Variants in HECTD4 observed in about 807,000 individuals in gnomAD.
HECTD4 encodes the protein probable E3 ubiquitin-protein ligase HECTD4.
In HECTD4, 114 loss-of-function variants were observed where a neutral mutation model predicts 471.5. That is an observed-to-expected ratio of 0.24 (90% CI 0.21 to 0.28). HECTD4 has a LOEUF of 0.28. Among genes scored for constraint, HECTD4 ranks in the 10% least tolerant of loss-of-function variants. The pLI is 1.00. For synonymous variants in HECTD4, 2,012 were observed against 2,256.0 expected (o/e 0.89, Z 3.07); for missense variants, 3,866 against 5,651.5 (o/e 0.68, Z 10.13).
chr12:112,273,027 T>C (rs1174745938), intron 11 of HECTD4, among the ~76,000 whole-genome samples: 1 of 152,200 alleles, frequency 6.6e-6, no homozygotes, highest in East Asian at 1.9e-4. Flanking sequence ...TCCACTGTTC[T>C]TACCCAAAGT....
chr12:112,199,726 A>C (rs2032358729), intron 55 of HECTD4, among the ~76,000 whole-genome samples: 1 of 152,226 alleles, frequency 6.6e-6, no homozygotes, highest in Non-Finnish European at 1.5e-5. Flanking sequence ...CTCTTCTGGA[A>C]GCCTGCACAG....
rs1441311962 is a variant in HECTD4 at position 112,202,597 on chromosome 12, T to A, written c.8406+1039A>T. Among the ~76,000 whole-genome samples, 3 of 152,192 alleles carry A rather than the reference T, an allele frequency of 2.0e-5. No individual in the cohort carries two copies. In the East Asian group the frequency reaches 5.8e-4, roughly 29 times the overall value. On this transcript the variant is annotated intron_variant, in intron 54 of 75. Transcript: ENST00000682272. ...CTCTAGACAGATACCAAAGTTTATATCTATACAGTGATTGATGATATTAAT... is the reference window on the plus strand; with the variant it reads ...CTCTAGACAGATACCAAAGTTTATAACTATACAGTGATTGATGATATTAAT...
At chr12:112,299,452 G>T (rs760256716) in intron 7 of HECTD4, among the ~76,000 whole-genome samples, 1 of 151,836 alleles carries the variant, frequency 6.6e-6, no homozygotes, top group Admixed American at 6.6e-5. Flanking sequence ...TCCCACCCCC[G>T]TCTCTACAAA....
chr12:112,289,080 A>G (rs192998616), intron 7 of HECTD4, among the ~76,000 whole-genome samples: 13 of 152,228 alleles, frequency 8.5e-5, no homozygotes, highest in African/African-American at 2.4e-4. Flanking sequence ...ATATTCCTAA[A>G]TATATCTCTT....
intron 1 of HECTD4, among the ~76,000 whole-genome samples, chr12:112,324,025 CCTTCCTTCCTTCCTT>C (rs2035669029): frequency 6.6e-5 from 2 of 30,416 alleles, no homozygotes; most frequent in Non-Finnish European, 9.8e-5. Flanking sequence ...TTCCTTCCTT[CCTTCCTTCCTTCCTT>C]CCTTCCTTTC....
In HECTD4 at chr12:112,231,385, C is replaced by T. The variant is rs2033374853; in HGVS notation, c.6200+128G>A. ...CCAGGCTGTACCTTGAGTGCAACTA[C>T]TACAGCAGATGGCGGCCTCATTTCC... On this transcript the variant is annotated intron_variant, in intron 39 of 75. Coordinates refer to ENST00000682272, the MANE Select transcript of HECTD4 (RefSeq NM_001388303.1). 1.2e-5 allele frequency: 10 copies of T among 823,152 alleles called. No individual in the cohort carries two copies. The Middle Eastern group carries it at 8.1e-4, about 66-fold the overall frequency. 51.0% of individuals were successfully genotyped at this position (823,152 alleles called of 1,614,324 possible).
chr12:112,202,945 CT>C (rs2032469937), intron 54 of HECTD4: 1 of 152,042 alleles, frequency 6.6e-6, no homozygotes, highest in South Asian at 2.1e-4. Flanking sequence ...AATGACAAAA[CT>C]TTTTTCTTTT....
intron 64 of HECTD4, 64 bp downstream of exon 64, chr12:112,178,867 T>C (rs985677697): frequency 1.3e-6 from 2 of 1,521,200 alleles, no homozygotes; most frequent in Non-Finnish European, 1.8e-6. Context: ...CTCAGGCTCC[T>C]GCTCGGAGGC....
chr12:112,163,108 C>A lies in HECTD4; in HGVS notation c.13054G>T (p.Gly4352Trp). 6.2e-7 allele frequency: 1 copy of A among 1,613,994 alleles called. No homozygotes were observed. The highest frequency in any genetic ancestry group is 8.5e-7 in the Non-Finnish European group (1 of 1,179,868). ...GGCACATGGGCAGTGTCGGGACCCC[C>A]ATCTTTGCAGGGGCAGGTGAACGGG... ...RIPFTCPCKD[G>W]GPDTAHVPPY... Residue 4352 changes from glycine (G) to tryptophan (W), a missense_variant, in exon 75 of 76, where the codon GGG becomes TGG. This residue lies in a region of HECTD4 where 715 missense variants were observed against 1,087.6 expected (regional missense o/e 0.66). Transcript: ENST00000682272. The surrounding 1 kb of genome is among the most constrained non-coding windows in gnomAD (Gnocchi z 8.2).
chr12:112,370,751 TG>T (rs2036650273), intron 1 of HECTD4, among the ~76,000 whole-genome samples: 2 of 152,158 alleles, frequency 1.3e-5, no homozygotes, highest in African/African-American at 4.8e-5. Context: ...ATTTCCGTTT[TG>T]TCAAGAATGT....
intron 7 of HECTD4, among the ~76,000 whole-genome samples, chr12:112,286,384 G>T (rs992554645): frequency 1.1e-4 from 17 of 152,276 alleles, no homozygotes; most frequent in Admixed American, 2.0e-4. Context: ...ATTTAAAAAT[G>T]TAAATAAAGC....
At chr12:112,258,704 G>T in intron 19 of HECTD4, 108 bp from the exon 20 acceptor site, 1 of 817,166 alleles carries the variant, frequency 1.2e-6, no homozygotes. Context: ...TACAATCCTA[G>T]TCTGCTCTCC....
intron 7 of HECTD4, among the ~76,000 whole-genome samples, chr12:112,303,781 T>C (rs1388489386): frequency 6.6e-6 from 1 of 150,596 alleles, no homozygotes; most frequent in Admixed American, 6.6e-5. Flanking sequence ...GCCCAGGAGG[T>C]TGAGGCCACA....
At chr12:112,375,979 G>A (rs1230172088) in intron 1 of HECTD4, among the ~76,000 whole-genome samples, 1 of 151,670 alleles carries the variant, frequency 6.6e-6, no homozygotes, top group Non-Finnish European at 1.5e-5. Context: ...GGCAGGCTGA[G>A]GCAGGAGAAT....
chr12:112,306,865 G>A (rs2035281052), intron 6 of HECTD4, among the ~76,000 whole-genome samples: 1 of 152,198 alleles, frequency 6.6e-6, no homozygotes, highest in Admixed American at 6.5e-5. Flanking sequence ...AGTCCATCAG[G>A]AGGAAAAGAC....
rs535957242 is a variant in HECTD4, at chr12:112,238,223, C to CT, written c.5290+828dup. On this transcript the variant is annotated intron_variant, in intron 34 of 75. Transcript: ENST00000682272. Reference sequence around the variant, plus strand: ...TTGGGAAATTTATCCTTCAAGTTTACTTTTTTTTTTGAAACAGGGTCTCGC... The same window carrying CT: ...TTGGGAAATTTATCCTTCAAGTTTACTTTTTTTTTTTGAAACAGGGTCTCGC... Among the ~76,000 whole-genome samples, 115 of 148,996 alleles carry CT rather than the reference C, an allele frequency of 7.7e-4. 1 individual carries two copies. In the South Asian group the frequency reaches 0.013, roughly 17 times the overall value.
chr12:112,354,780 A>C (rs7956154), intron 1 of HECTD4, among the ~76,000 whole-genome samples: 32,230 of 152,018 alleles, frequency 0.21, 5,507 homozygotes, highest in East Asian at 0.85. Context: ...GTCACCACCA[A>C]AAAATTATAT....
chr12:112,178,150 G>A (rs1332758306), intron 64 of HECTD4, among the ~76,000 whole-genome samples: 1 of 151,802 alleles, frequency 6.6e-6, no homozygotes, highest in African/African-American at 2.4e-5. Flanking sequence ...CTGCAGCCTC[G>A]ACCTCTGGGG....
intron 55 of HECTD4, among the ~76,000 whole-genome samples, chr12:112,196,771 T>C (rs2032256735): frequency 6.6e-6 from 1 of 152,146 alleles, no homozygotes; most frequent in Non-Finnish European, 1.5e-5. Context: ...TTTCTTATTT[T>C]TGTAGAGACA....
Sources: gnomAD v4.1 joint callset for allele counts (sites outside exome capture counted in the v4.1 genomes callset) on GRCh38, gnomAD v4.1.1 for gene constraint, gnomAD v4.1.1 regional missense constraint, Gnocchi (gnomAD v3.1) non-coding constraint, MANE v1.5 for transcripts, NCBI Gene and HGNC (gene_info 2026-07-23, HGNC 2026-07-21) for gene names.